Variants in TASP1 observed in about 807,000 individuals in gnomAD.
TASP1 encodes the protein threonine aspartase 1.
A neutral mutation model predicts 56.6 loss-of-function variants in TASP1; 16 were observed. That is an observed-to-expected ratio of 0.28 (90% CI 0.19 to 0.43). The LOEUF (loss-of-function observed/expected upper bound fraction) is 0.43. Ranked by LOEUF, TASP1 falls within the 20% of genes least tolerant of loss-of-function variation. The pLI, the probability that TASP1 is intolerant of heterozygous loss-of-function variation, is 1.00. For missense variants in TASP1, 393 were observed against 511.6 expected, an observed-to-expected ratio of 0.77 and a Z score of 2.24; for synonymous variants, 179 against 184.2, an observed-to-expected ratio of 0.97 and a Z score of 0.23.
the TASP1 span, chr20:13,270,628 A>G: frequency 6.2e-7 from 1 of 1,613,986 alleles, no homozygotes; most frequent in Non-Finnish European, 8.5e-7. Context: ...CGATTCCGAC[A>G]AGAGACGGGG....
At chr20:13,429,541 G>C (rs1229104178) in intron 12 of TASP1, among the ~76,000 whole-genome samples, 1 of 151,852 alleles carries the variant, frequency 6.6e-6, no homozygotes, top group African/African-American at 2.4e-5. Flanking sequence ...GTCAGATCAG[G>C]GGATGCCATT....
At chr20:13,439,202 C>T (rs1019381439) in intron 11 of TASP1, among the ~76,000 whole-genome samples, 2 of 152,306 alleles carry the variant, frequency 1.3e-5, no homozygotes, top group East Asian at 1.9e-4. Flanking sequence ...AAGACACATG[C>T]ACACGTATGT....
the TASP1 span, chr20:13,300,416 G>C: frequency 3.3e-5 from 5 of 150,876 alleles, no homozygotes; most frequent in Admixed American, 6.6e-5. Context: ...AATATAAAAG[G>C]GGGGGAGGGT....
At chr20:13,635,363 T>C (rs888759468) in intron 1 of TASP1, among the ~76,000 whole-genome samples, 4 of 150,996 alleles carry the variant, frequency 2.6e-5, no homozygotes, top group Admixed American at 1.3e-4. Flanking sequence ...TGACCCCAAC[T>C]GCAAATGTTT....
intron 11 of TASP1, among the ~76,000 whole-genome samples, chr20:13,466,378 C>T: frequency 6.6e-6 from 1 of 152,094 alleles, no homozygotes; most frequent in Non-Finnish European, 1.5e-5. Flanking sequence ...TGACAGCAAA[C>T]ATGCAAAGAA....
intron 10 of TASP1, among the ~76,000 whole-genome samples, chr20:13,500,360 G>A (rs1217165793): frequency 1.3e-5 from 2 of 148,150 alleles, no homozygotes; most frequent in East Asian, 2.0e-4. Context: ...AGTCTCTTCT[G>A]TTTTCAAATA....
the TASP1 span, among the ~76,000 whole-genome samples, chr20:13,159,012 G>A: frequency 6.6e-6 from 1 of 152,210 alleles, no homozygotes; most frequent in African/African-American, 2.4e-5. Flanking sequence ...AAGTCACTCA[G>A]TAGTTAAGTT....
the TASP1 span, among the ~76,000 whole-genome samples, chr20:13,318,393 C>T: frequency 4.6e-5 from 7 of 152,232 alleles, no homozygotes; most frequent in South Asian, 6.2e-4. Context: ...TTCAAAATGG[C>T]GTGACCACTT....
chr20:13,312,847 T>G, the TASP1 span, among the ~76,000 whole-genome samples: 1 of 152,212 alleles, frequency 6.6e-6, no homozygotes, highest in African/African-American at 2.4e-5. Flanking sequence ...TATTTAAACC[T>G]GGGTATGTCT....
At chr20:13,132,393 T>C in the TASP1 span, among the ~76,000 whole-genome samples, 1 of 152,042 alleles carries the variant, frequency 6.6e-6, no homozygotes, top group Non-Finnish European at 1.5e-5. Context: ...GCCGGGCTGA[T>C]CTTGAGCTCC....
chr20:13,204,012 A>C, the TASP1 span, among the ~76,000 whole-genome samples: 7,301 of 152,316 alleles, frequency 0.048, 571 homozygotes, highest in African/African-American at 0.16. Context: ...CACTGAAAAC[A>C]GCTTTAAAAT....
At chr20:13,177,505 C>G in the TASP1 span, among the ~76,000 whole-genome samples, 1 of 152,092 alleles carries the variant, frequency 6.6e-6, no homozygotes, top group Non-Finnish European at 1.5e-5. Context: ...TGCCAGACAT[C>G]AAAATATACT....
At chr20:13,357,611 G>A in the TASP1 span, among the ~76,000 whole-genome samples, 1 of 152,020 alleles carries the variant, frequency 6.6e-6, no homozygotes, top group Non-Finnish European at 1.5e-5. Context: ...TTATATACAC[G>A]TAAAATACCA....
At chr20:13,198,822 CTTTCTTT>C in the TASP1 span, among the ~76,000 whole-genome samples, 1 of 139,006 alleles carries the variant, frequency 7.2e-6, no homozygotes, top group East Asian at 2.1e-4. Context: ...TTCTTTCTTT[CTTTCTTT>C]CTTTCTTTCT....
At chr20:13,409,235 T>C (rs1282502002) in intron 13 of TASP1, among the ~76,000 whole-genome samples, 1 of 152,066 alleles carries the variant, frequency 6.6e-6, no homozygotes, top group African/African-American at 2.4e-5. Flanking sequence ...TAATGTTCTA[T>C]AAATACCACT....
the TASP1 span, among the ~76,000 whole-genome samples, chr20:13,198,759 G>A: frequency 6.8e-6 from 1 of 146,740 alleles, no homozygotes; most frequent in Non-Finnish European, 1.5e-5. Flanking sequence ...GTTTTTTCTG[G>A]GCTTTTTTTC....
intron 10 of TASP1, among the ~76,000 whole-genome samples, chr20:13,509,993 A>T (rs1464791455): frequency 1.3e-5 from 2 of 152,134 alleles, no homozygotes; most frequent in Non-Finnish European, 2.9e-5. Context: ...TACTATGCTT[A>T]TTACCTGGGT....
At chr20:13,354,324 T>C in the TASP1 span, among the ~76,000 whole-genome samples, 1 of 152,186 alleles carries the variant, frequency 6.6e-6, no homozygotes, top group Admixed American at 6.5e-5. Context: ...TTGAAGAACA[T>C]GTCTTGAGGT....
chr20:13,220,176 T>C, the TASP1 span, among the ~76,000 whole-genome samples: 1 of 151,196 alleles, frequency 6.6e-6, no homozygotes, highest in South Asian at 2.1e-4. Flanking sequence ...AGGGAACGGG[T>C]AGGAGGAGGG....
Sources: gnomAD v4.1 joint callset for allele counts (sites outside exome capture counted in the v4.1 genomes callset) on GRCh38, gnomAD v4.1.1 for gene constraint, MANE v1.5 for transcripts, NCBI Gene and HGNC (gene_info 2026-07-23, HGNC 2026-07-21) for gene names.